GRIK4: variants seen among roughly 807,000 people sequenced by gnomAD.
The protein encoded by GRIK4 is glutamate receptor ionotropic, kainate 4.
A neutral mutation model predicts 104.9 loss-of-function variants in GRIK4; 40 were observed. The observed-to-expected ratio is 0.38, with a 90% confidence interval of 0.30 to 0.50. The LOEUF (loss-of-function observed/expected upper bound fraction) is 0.50. Among genes scored for constraint, GRIK4 ranks in the 20% least tolerant of loss-of-function variants. The pLI is 0.93. For missense variants in GRIK4, 1,047 were observed against 1,308.1 expected (o/e 0.80, Z 3.08); for synonymous variants, 485 against 524.9 (o/e 0.92, Z 1.04).
At chr11:120,877,137 G>A (rs1019821287) in intron 11 of GRIK4, among the ~76,000 whole-genome samples, 8 of 152,328 alleles carry the variant, frequency 5.3e-5, no homozygotes, top group African/African-American at 1.9e-4. Context: ...TATCTCTGGG[G>A]CAGAGCTGCA....
intron 16 of GRIK4, among the ~76,000 whole-genome samples, chr11:120,958,374 G>C (rs1944213939): frequency 6.6e-6 from 1 of 152,226 alleles, no homozygotes; most frequent in Non-Finnish European, 1.5e-5. Flanking sequence ...GGCTCAGCGC[G>C]AATGCAAGCC....
chr11:120,521,725 C>T (rs1408807706), intron 1 of GRIK4, among the ~76,000 whole-genome samples: 2 of 152,156 alleles, frequency 1.3e-5, no homozygotes, highest in Non-Finnish European at 1.5e-5. Flanking sequence ...GTAATGAGAA[C>T]GCCTGTTGTA....
intron 1 of GRIK4, among the ~76,000 whole-genome samples, chr11:120,592,353 C>T (rs1019928767): frequency 1.8e-4 from 28 of 152,176 alleles, no homozygotes; most frequent in African/African-American, 6.3e-4. Context: ...CGGAGATGGC[C>T]GCCGTCCTAC....
chr11:120,674,612 C>A (rs896267714), intron 3 of GRIK4, among the ~76,000 whole-genome samples: 5 of 152,234 alleles, frequency 3.3e-5, no homozygotes, highest in African/African-American at 1.2e-4. Context: ...AGCACATGGT[C>A]TTTGAAGCAT....
intron 16 of GRIK4, among the ~76,000 whole-genome samples, chr11:120,958,121 G>A (rs1944206756): frequency 6.6e-6 from 1 of 152,206 alleles, no homozygotes; most frequent in Admixed American, 6.5e-5. Context: ...GAGCATCGGG[G>A]GATGTCGATC....
At chr11:120,841,714 A>G (rs1294869009) in intron 8 of GRIK4, among the ~76,000 whole-genome samples, 1 of 152,082 alleles carries the variant, frequency 6.6e-6, no homozygotes, top group Non-Finnish European at 1.5e-5. Flanking sequence ...TGACCACACC[A>G]TTTTTCGTTC....
Position 120,967,651 on chromosome 11 carries a change from A to G in GRIK4, c.2395+328A>G, listed in dbSNP as rs954709827. On this transcript the variant is annotated intron_variant, in intron 19 of 20. Transcript: ENST00000527524. This position sits in a 1 kb window ranked among gnomAD's most constrained non-coding sequence, Gnocchi z 4.2. The stretch of plus-strand genomic sequence containing the variant: ...TGTGCAGTCACAGTCGCCTGGTTTC[A>G]GTTTCCCATTCTTGCGTCTCTACAG... Among the ~76,000 whole-genome samples, 113 of 152,164 alleles carry G rather than the reference A, an allele frequency of 7.4e-4. No individual in the cohort carries two copies. The highest frequency in any genetic ancestry group is 2.5e-3 in the African/African-American group (104 of 41,416).
chr11:120,602,371 G>T lies in GRIK4; in HGVS notation c.-158-51314G>T, dbSNP rs532447900. Reference sequence around the variant, plus strand: ...TTACCATCCTGCTGGCTCCCCAGGGGACTGTTCAGGGAGTGCCAGCCCCTC... The same window carrying T: ...TTACCATCCTGCTGGCTCCCCAGGGTACTGTTCAGGGAGTGCCAGCCCCTC... On this transcript the variant is annotated intron_variant, in intron 1 of 20. Transcript: ENST00000527524. 7.9e-4 allele frequency among the ~76,000 whole-genome samples: 120 copies of T among 152,314 alleles called. 1 individual carries two copies. The highest frequency in any genetic ancestry group is 3.4e-3 in the Middle Eastern group (1 of 294).
At chr11:120,954,971 C>T (rs1389706780) in intron 15 of GRIK4, among the ~76,000 whole-genome samples, 1 of 152,150 alleles carries the variant, frequency 6.6e-6, no homozygotes, top group African/African-American at 2.4e-5. Context: ...GCCCTGGGTC[C>T]CCAACTCCTC....
At chr11:120,768,706 G>A (rs1951885165) in intron 3 of GRIK4, among the ~76,000 whole-genome samples, 1 of 152,090 alleles carries the variant, frequency 6.6e-6, no homozygotes, top group African/African-American at 2.4e-5. Context: ...TTGTATTGAG[G>A]AATTTTTCTT....
At chr11:120,900,737 T>C (rs1277078841) in intron 12 of GRIK4, among the ~76,000 whole-genome samples, 1 of 152,076 alleles carries the variant, frequency 6.6e-6, no homozygotes, top group Non-Finnish European at 1.5e-5. Context: ...AGGGGTATTC[T>C]TGGCACAGGG....
intron 3 of GRIK4, among the ~76,000 whole-genome samples, chr11:120,684,911 G>GTTAACCGGGA (rs1950252477): frequency 6.6e-6 from 1 of 152,094 alleles, no homozygotes; most frequent in South Asian, 2.1e-4. Context: ...GGGTTTCACT[G>GTTAACCGGGA]TGGTCTCGAT....
At chr11:120,540,391 G>A (rs567351827) in intron 1 of GRIK4, among the ~76,000 whole-genome samples, 8 of 151,450 alleles carry the variant, frequency 5.3e-5, no homozygotes, top group Non-Finnish European at 1.0e-4. Context: ...GAGGCTGAGG[G>A]GGGCGAATCA....
intron 3 of GRIK4, among the ~76,000 whole-genome samples, chr11:120,724,060 G>A (rs755402940): frequency 6.6e-6 from 1 of 152,156 alleles, no homozygotes; most frequent in Non-Finnish European, 1.5e-5. Flanking sequence ...TAGTCAGTAT[G>A]TAGCCTTTTC....
intron 1 of GRIK4, among the ~76,000 whole-genome samples, chr11:120,597,984 A>G (rs1260320688): frequency 1.3e-5 from 2 of 152,112 alleles, no homozygotes; most frequent in Non-Finnish European, 2.9e-5. Flanking sequence ...TGAATGTTGG[A>G]TGAAACGTCT....
Position 120,902,104 on chromosome 11 carries a change from C to T in GRIK4, c.1273-3186C>T, listed in dbSNP as rs150333767. 3.9e-5 allele frequency among the ~76,000 whole-genome samples: 6 copies of T among 152,294 alleles called. No individual in the cohort carries two copies. The East Asian group carries it at 9.6e-4, about 24-fold the overall frequency. On this transcript the variant is annotated intron_variant, in intron 12 of 20. Coordinates refer to ENST00000527524, the MANE Select transcript of GRIK4 (RefSeq NM_014619.5). The surrounding 1 kb of genome is among the most constrained non-coding windows in gnomAD (Gnocchi z 4.5). ...CAAATGGTAATCCCGAATGATTTAT[C>T]CCTTAAAACTCAGCACACATTCATG... is the stretch of plus-strand genomic sequence containing the variant.
At chr11:120,629,434 A>G (rs964233460) in intron 1 of GRIK4, among the ~76,000 whole-genome samples, 10 of 152,098 alleles carry the variant, frequency 6.6e-5, no homozygotes, top group Admixed American at 3.3e-4. Flanking sequence ...CACATTAGCT[A>G]CTGTCGTTCC....
At chr11:120,810,587 C>G (rs1217320435) in intron 4 of GRIK4, among the ~76,000 whole-genome samples, 2 of 151,944 alleles carry the variant, frequency 1.3e-5, no homozygotes, top group Non-Finnish European at 2.9e-5. Context: ...TGAATCCCTT[C>G]TCAGATAAAT....
intron 7 of GRIK4, among the ~76,000 whole-genome samples, chr11:120,835,940 G>T (rs1953565783): frequency 6.6e-6 from 1 of 152,210 alleles, no homozygotes; most frequent in Admixed American, 6.5e-5. Context: ...CTGTGATCAA[G>T]GGTGAGGCAT....
Sources: gnomAD v4.1 joint callset for allele counts (sites outside exome capture counted in the v4.1 genomes callset) on GRCh38, gnomAD v4.1.1 for gene constraint, Gnocchi (gnomAD v3.1) non-coding constraint, MANE v1.5 for transcripts, NCBI Gene and HGNC (gene_info 2026-07-23, HGNC 2026-07-21) for gene names.